RASSF3: variants seen among roughly 807,000 people sequenced by gnomAD.
RASSF3 encodes the protein Ras association domain family member 3, also known as ras association domain-containing protein 3.
In RASSF3, 19 loss-of-function variants were observed where a neutral mutation model predicts 19.9. The observed-to-expected ratio is 0.96, with a 90% CI of 0.67 to 1.40. RASSF3 has a LOEUF of 1.40. Among genes scored for constraint, RASSF3 ranks in the 40% most tolerant of loss-of-function variants. RASSF3 has a pLI of 0.00. For synonymous variants in RASSF3, 110 were observed against 104.2 expected, an observed-to-expected ratio of 1.06 and a Z score of -0.34; for missense variants, 306 against 289.8, an observed-to-expected ratio of 1.06 and a Z score of -0.41.
chr12:64,605,386 A>G (rs1424692879), intron 2 of RASSF3, among the ~76,000 whole-genome samples: 2 of 152,160 alleles, frequency 1.3e-5, no homozygotes, highest in Non-Finnish European at 2.9e-5. Flanking sequence ...TAAGGTAAGA[A>G]AATGAACTTT....
chr12:64,615,764 C>A (rs1023054833), intron 1 of RASSF3, among the ~76,000 whole-genome samples: 2 of 150,184 alleles, frequency 1.3e-5, no homozygotes, highest in African/African-American at 4.9e-5. Context: ...ACATCTGCCT[C>A]CTGGGTTCAA....
At chr12:64,660,227 A>G (rs1357204778) in intron 1 of RASSF3, among the ~76,000 whole-genome samples, 1 of 151,992 alleles carries the variant, frequency 6.6e-6, no homozygotes, top group Non-Finnish European at 1.5e-5. Context: ...CTGAAATGCT[A>G]ATAATTATTA....
At chr12:64,632,089 A>T (rs887345015) in intron 1 of RASSF3, among the ~76,000 whole-genome samples, 2 of 152,156 alleles carry the variant, frequency 1.3e-5, no homozygotes, top group Admixed American at 6.5e-5. Flanking sequence ...AGAGGGGGTG[A>T]CTAGGCCTTT....
chr12:64,520,376 T>G (rs1684220789), intron 1 of RASSF3, among the ~76,000 whole-genome samples: 1 of 151,744 alleles, frequency 6.6e-6, no homozygotes, highest in African/African-American at 2.4e-5. Context: ...TTGGCCAGGC[T>G]GGTCTCAAAC....
At chr12:64,643,949 T>G (rs937729300) in intron 1 of RASSF3, among the ~76,000 whole-genome samples, 6 of 151,968 alleles carry the variant, frequency 3.9e-5, no homozygotes, top group Non-Finnish European at 7.3e-5. Context: ...CAAAGACAAC[T>G]TCCTAAAGGT....
chr12:64,617,863 A>G (rs1455937362), intron 1 of RASSF3, among the ~76,000 whole-genome samples: 1 of 152,196 alleles, frequency 6.6e-6, no homozygotes, highest in South Asian at 2.1e-4. Context: ...GGCCCTATAC[A>G]TCTGTTTAGA....
intron 1 of RASSF3, chr12:64,507,597 A>T: frequency 3.7e-6 from 1 of 272,372 alleles, no homozygotes. Context: ...AAAGTTGACT[A>T]AAGAGAGATG....
chr12:64,679,517 A>G (rs1045709846), intron 1 of RASSF3, among the ~76,000 whole-genome samples: 2 of 152,212 alleles, frequency 1.3e-5, no homozygotes, highest in African/African-American at 4.8e-5. Context: ...ATATTCTTAG[A>G]AAGTCTGAGT....
At chr12:64,529,495 A>C (rs1318548924), upstream of RASSF3, among the ~76,000 whole-genome samples, 1 of 152,092 alleles carries the variant, frequency 6.6e-6, no homozygotes, top group Non-Finnish European at 1.5e-5. Context: ...GAAAGTAAGC[A>C]CTCTGTCTTC....
At chr12:64,650,496 A>G (rs747541792) in intron 1 of RASSF3, among the ~76,000 whole-genome samples, 1 of 137,866 alleles carries the variant, frequency 7.3e-6, no homozygotes, top group Admixed American at 7.9e-5. Flanking sequence ...GTTCACTGCA[A>G]CCTCTGCCTC....
chr12:64,555,391 T>C (rs888789936), intron 2 of RASSF3, among the ~76,000 whole-genome samples: 1 of 152,174 alleles, frequency 6.6e-6, no homozygotes, highest in Non-Finnish European at 1.5e-5. Context: ...AATCTTAATG[T>C]CTTAAACAAG....
At chr12:64,671,471 T>C (rs1404296138) in intron 1 of RASSF3, among the ~76,000 whole-genome samples, 1 of 152,186 alleles carries the variant, frequency 6.6e-6, no homozygotes, top group Admixed American at 6.5e-5. Flanking sequence ...TGGCATTCTT[T>C]TGATGATGTA....
At chr12:64,627,693 A>G (rs1871040998) in intron 1 of RASSF3, among the ~76,000 whole-genome samples, 1 of 152,194 alleles carries the variant, frequency 6.6e-6, no homozygotes, top group Non-Finnish European at 1.5e-5. Flanking sequence ...AGAGGGAGTA[A>G]TAATAAAACA....
In RASSF3 at chr12:64,610,521, AGGACTGCCCGGGGCT is replaced by A. The variant is rs1870306291; in HGVS notation, c.-110_-96del. 1 of 374,970 alleles carries A rather than the reference AGGACTGCCCGGGGCT, an allele frequency of 2.7e-6. No homozygotes were observed. The highest frequency in any genetic ancestry group is 2.2e-5 in the African/African-American group (1 of 45,738). 23.2% of individuals were successfully genotyped at this position (374,970 alleles called of 1,614,324 possible). A position where few individuals can be genotyped will look rare whatever the true frequency, so the allele number is the denominator to read the frequency against. Reference sequence around the variant, plus strand: ...ATTGAGCGGCGGCCGCAGCTGCATAAGGACTGCCCGGGGCTGCGCGCCGGGAACCTCGCGGGGCTG... The same window carrying A: ...ATTGAGCGGCGGCCGCAGCTGCATAAGCGCGCCGGGAACCTCGCGGGGCTG... On this transcript the variant is annotated 5_prime_UTR_variant, in exon 1 of 5. Transcript: ENST00000542104.
chr12:64,607,417 T>C (rs1870213146), upstream of RASSF3, among the ~76,000 whole-genome samples: 1 of 152,284 alleles, frequency 6.6e-6, no homozygotes, highest in East Asian at 1.9e-4. Flanking sequence ...TCGCCCAGGA[T>C]AGAGTGCAGT....
intron 2 of RASSF3, among the ~76,000 whole-genome samples, chr12:64,587,337 G>A (rs1008294563): frequency 1.3e-5 from 2 of 152,068 alleles, no homozygotes; most frequent in Non-Finnish European, 2.9e-5. Flanking sequence ...GATTACAGGC[G>A]TGAGCCACTG....
rs564566843 is a variant in RASSF3 at position 64,661,131 on chromosome 12, G to A, written c.112-23656G>A. Reference sequence around the variant, plus strand: ...CCTCACTCAAATGGTAGCCGTAGCCGTGAGTAAGTTAAACTCGGCTTGCTC... The same window carrying A: ...CCTCACTCAAATGGTAGCCGTAGCCATGAGTAAGTTAAACTCGGCTTGCTC... On this transcript the variant is annotated intron_variant, in intron 1 of 4. Coordinates refer to ENST00000542104, the MANE Select transcript of RASSF3 (RefSeq NM_178169.4). 5.3e-5 allele frequency among the ~76,000 whole-genome samples: 8 copies of A among 152,282 alleles called. No homozygotes were observed. The East Asian group carries it at 7.7e-4, about 15-fold the overall frequency.
rs565042230 is a variant in RASSF3, at chr12:64,614,757, G to T, written c.111+4014G>T. Among the ~76,000 whole-genome samples the T allele has an allele frequency of 4.0e-5, 6 of 149,636 alleles. No homozygotes were observed. The South Asian group carries it at 1.3e-3, about 31-fold the overall frequency. On this transcript the variant is annotated intron_variant, in intron 1 of 4. Transcript: ENST00000542104. ...GTGTCACCCAGACTGGAGTGCAGTG[G>T]CAGGATCTTGGCTCACTGCAACCTC...
At chr12:64,598,984 G>A (rs941145443) in intron 2 of RASSF3, 1 of 149,028 alleles carries the variant, frequency 6.7e-6, no homozygotes, top group Admixed American at 6.8e-5. Context: ...TCTGCCTTGT[G>A]TTTGTGATAA....
Sources: gnomAD v4.1 joint callset for allele counts (sites outside exome capture counted in the v4.1 genomes callset) on GRCh38, gnomAD v4.1.1 for gene constraint, MANE v1.5 for transcripts, NCBI Gene and HGNC (gene_info 2026-07-23, HGNC 2026-07-21) for gene names.